Variants in ATRNL1 observed in about 807,000 individuals in gnomAD.
ATRNL1 encodes attractin-like protein 1.
ATRNL1 carries 95 observed loss-of-function variants against 182.7 expected under a neutral mutation model. The ratio of observed to expected loss-of-function variants is 0.52; its 90% CI spans 0.44 to 0.62. The LOEUF (loss-of-function observed/expected upper bound fraction) is 0.62, where lower values mean the gene tolerates loss of function less well. Among genes scored for constraint, ATRNL1 ranks in the 20% least tolerant of loss-of-function variants. The pLI, the probability that ATRNL1 is intolerant of heterozygous loss-of-function variation, is 0.00. For missense variants in ATRNL1, 1,471 were observed against 1,679.5 expected, an observed-to-expected ratio of 0.88 and a Z score of 2.17; for synonymous variants, 576 against 568.3, an observed-to-expected ratio of 1.01 and a Z score of -0.19.
intron 21 of ATRNL1, among the ~76,000 whole-genome samples, chr10:115,452,160 C>A (rs1452829520): frequency 6.6e-6 from 1 of 152,004 alleles, no homozygotes; most frequent in African/African-American, 2.4e-5. Context: ...GGGTTTAATA[C>A]CTGGGTGATG....
At chr10:115,777,982 T>A (rs1464856515) in intron 27 of ATRNL1, among the ~76,000 whole-genome samples, 1 of 151,730 alleles carries the variant, frequency 6.6e-6, no homozygotes, top group African/African-American at 2.4e-5. Context: ...AAGAAACTTA[T>A]TGCGAACTTG....
At chr10:115,102,229 C>G (rs1649424372) in intron 1 of ATRNL1, among the ~76,000 whole-genome samples, 1 of 152,054 alleles carries the variant, frequency 6.6e-6, no homozygotes. Flanking sequence ...ATAAACTGAG[C>G]CTTTATCGTT....
intron 27 of ATRNL1, among the ~76,000 whole-genome samples, chr10:115,752,793 T>C (rs1211720668): frequency 4.6e-5 from 7 of 152,144 alleles, no homozygotes; most frequent in African/African-American, 1.4e-4. Context: ...TTTGTACTTA[T>C]ACTGTCCAGC....
chr10:115,123,404 C>CA (rs1442593406), intron 3 of ATRNL1, among the ~76,000 whole-genome samples: 1 of 152,178 alleles, frequency 6.6e-6, no homozygotes, highest in Non-Finnish European at 1.5e-5. Context: ...ACTTGAATCT[C>CA]AATCTCCTGA....
At chr10:115,236,830 A>G (rs1353128978) in intron 9 of ATRNL1, among the ~76,000 whole-genome samples, 2 of 152,162 alleles carry the variant, frequency 1.3e-5, no homozygotes, top group African/African-American at 4.8e-5. Context: ...ATGTATAGTG[A>G]CATGTATCTA....
At chr10:115,125,157 A>G (rs1156615226) in intron 3 of ATRNL1, among the ~76,000 whole-genome samples, 1 of 152,214 alleles carries the variant, frequency 6.6e-6, no homozygotes, top group Non-Finnish European at 1.5e-5. Context: ...CATTACCCCA[A>G]AACAGCAATC....
chr10:115,463,429 A>C (rs1592695374), intron 22 of ATRNL1, among the ~76,000 whole-genome samples: 1 of 152,166 alleles, frequency 6.6e-6, no homozygotes, highest in African/African-American at 2.4e-5. Flanking sequence ...TAGATATATT[A>C]ACAATCTCAG....
At chr10:115,437,321 C>T (rs896001499) in intron 21 of ATRNL1, among the ~76,000 whole-genome samples, 7 of 152,030 alleles carry the variant, frequency 4.6e-5, no homozygotes, top group African/African-American at 9.6e-5. Flanking sequence ...AAAGATAGGA[C>T]GCCATTGAAG....
At chr10:115,362,013 C>T (rs1008494186) in intron 19 of ATRNL1, among the ~76,000 whole-genome samples, 13 of 151,892 alleles carry the variant, frequency 8.6e-5, no homozygotes, top group Admixed American at 2.0e-4. Flanking sequence ...GTACAGGTGC[C>T]TAATATCCTA....
chr10:115,335,040 A>T (rs182832300), intron 19 of ATRNL1, among the ~76,000 whole-genome samples: 8 of 152,314 alleles, frequency 5.3e-5, no homozygotes, highest in Admixed American at 4.6e-4. Context: ...ATTGAAGCAC[A>T]TAAAAAAGAG....
intron 28 of ATRNL1, among the ~76,000 whole-genome samples, chr10:115,895,363 C>T (rs1339892748): frequency 6.6e-6 from 1 of 152,188 alleles, no homozygotes; most frequent in Non-Finnish European, 1.5e-5. Flanking sequence ...AGTGCCTTTT[C>T]AGCTGCCGCA....
chr10:115,500,433 T>C (rs1554979822), intron 24 of ATRNL1, among the ~76,000 whole-genome samples: 3 of 151,050 alleles, frequency 2.0e-5, no homozygotes, highest in Admixed American at 1.3e-4. Context: ...AGGTGTCCTA[T>C]AGTTTTTGAA....
chr10:115,896,089 A>G (rs1952200207), intron 28 of ATRNL1, among the ~76,000 whole-genome samples: 1 of 152,198 alleles, frequency 6.6e-6, no homozygotes, highest in Non-Finnish European at 1.5e-5. Context: ...CATCATCATC[A>G]AACCATGTTT....
intron 27 of ATRNL1, among the ~76,000 whole-genome samples, chr10:115,803,954 T>C (rs1555085050): frequency 1.3e-5 from 2 of 152,210 alleles, no homozygotes; most frequent in African/African-American, 2.4e-5. Flanking sequence ...TTAGTAATTG[T>C]TATGCATTGT....
At chr10:115,532,553 C>G (rs1171853160) in intron 25 of ATRNL1, among the ~76,000 whole-genome samples, 1 of 151,798 alleles carries the variant, frequency 6.6e-6, no homozygotes, top group Non-Finnish European at 1.5e-5. Flanking sequence ...TCTAGATATA[C>G]AATCATGTCG....
chr10:115,485,723 G>A (rs913035161), intron 24 of ATRNL1, among the ~76,000 whole-genome samples: 2 of 151,742 alleles, frequency 1.3e-5, no homozygotes, highest in African/African-American at 2.4e-5. Flanking sequence ...ATCTTCTAGT[G>A]TTACACATTA....
At chr10:115,308,995 C>A (rs1473823078) in intron 17 of ATRNL1, among the ~76,000 whole-genome samples, 1 of 152,102 alleles carries the variant, frequency 6.6e-6, no homozygotes, top group Non-Finnish European at 1.5e-5. Flanking sequence ...ATCCCAGCAC[C>A]ATTTATTGAA....
At chr10:115,656,746 T>C (rs916556492) in intron 26 of ATRNL1, among the ~76,000 whole-genome samples, 19 of 152,152 alleles carry the variant, frequency 1.2e-4, no homozygotes, top group Non-Finnish European at 2.4e-4. Flanking sequence ...CAAGTTGTGA[T>C]TGTTTGTTTT....
intron 8 of ATRNL1, among the ~76,000 whole-genome samples, chr10:115,205,519 G>T (rs1019162173): frequency 6.6e-6 from 1 of 151,324 alleles, no homozygotes; most frequent in Non-Finnish European, 1.5e-5. Flanking sequence ...TCAGTTCTTT[G>T]TGTTTCCTGT....
Sources: allele counts gnomAD v4.1 joint callset (sites outside exome capture counted in the v4.1 genomes callset), GRCh38; gene constraint gnomAD v4.1.1; transcripts MANE v1.5; gene names NCBI Gene and HGNC (gene_info 2026-07-23, HGNC 2026-07-21).